DDX43: variants seen among roughly 807,000 people sequenced by gnomAD.
The protein encoded by DDX43 is probable ATP-dependent RNA helicase DDX43.
DDX43 carries 50 observed loss-of-function variants against 84.9 expected under a neutral mutation model. The ratio of observed to expected loss-of-function variants is 0.59; its 90% CI spans 0.47 to 0.75. The LOEUF (loss-of-function observed/expected upper bound fraction) is 0.75, where lower values mean the gene tolerates loss of function less well. Among genes scored for constraint, DDX43 ranks in the 30% least tolerant of loss-of-function variants. The pLI is 0.00. For missense variants in DDX43, 689 were observed against 798.6 expected (o/e 0.86, Z 1.65); for synonymous variants, 291 against 266.3 (o/e 1.09, Z -0.90).
intron 5 of DDX43, among the ~76,000 whole-genome samples, 184 bp from the exon 6 acceptor site, chr6:73,405,495 T>G (rs1365293703): frequency 6.6e-6 from 1 of 152,234 alleles, no homozygotes; most frequent in Non-Finnish European, 1.5e-5. Flanking sequence ...TTGCAACTAT[T>G]CTCAGATAAG....
intron 1 of DDX43, among the ~76,000 whole-genome samples, chr6:73,396,134 T>G (rs1260095518): frequency 6.6e-6 from 1 of 152,174 alleles, no homozygotes; most frequent in South Asian, 2.1e-4. Context: ...AATTTTTGTG[T>G]TTTTAGTAAA....
intron 3 of DDX43, 90 bp downstream of exon 3, chr6:73,400,453 C>G: frequency 1.6e-6 from 2 of 1,220,858 alleles, no homozygotes; most frequent in Non-Finnish European, 2.2e-6. Context: ...CTTTCTGATT[C>G]AAAGCATTAG....
In DDX43 at chr6:73,397,824, A is replaced by T. The variant is rs1021393585; in HGVS notation, c.306+80A>T. On this transcript the variant is annotated intron_variant, in intron 2 of 16. Coordinates refer to ENST00000370336, the MANE Select transcript of DDX43 (RefSeq NM_018665.3). Reference sequence around the variant, plus strand: ...GCACCTAACTCTACTTTTCTTTTTAAGACAGCCTCATTCTGTCTCCCAGGC... The same window carrying T: ...GCACCTAACTCTACTTTTCTTTTTATGACAGCCTCATTCTGTCTCCCAGGC... 1.8e-5 allele frequency: 23 copies of T among 1,282,268 alleles called. No homozygotes were observed. The African/African-American group carries it at 3.1e-4, about 17-fold the overall frequency. 79.4% of individuals were successfully genotyped at this position (1,282,268 alleles called of 1,614,324 possible).
intron 9 of DDX43, among the ~76,000 whole-genome samples, chr6:73,408,621 A>G (rs1325596803): frequency 6.6e-6 from 1 of 151,646 alleles, no homozygotes; most frequent in Non-Finnish European, 1.5e-5. Flanking sequence ...CTGTCGCATG[A>G]TCTTGGCTCA....
chr6:73,395,092 G>A lies in DDX43; in HGVS notation c.187G>A (p.Ala63Thr). ...GTSRPPEAVA[A>T]GHEELPLCFA... ...CTCTAGGCCCCCGGAGGCCGTGGCCGCTGGTCACGAGGAACTGCCGCTGTG... is the reference window on the plus strand; with the variant it reads ...CTCTAGGCCCCCGGAGGCCGTGGCCACTGGTCACGAGGAACTGCCGCTGTG... The change falls in exon 1 of 17, where the codon GCT (alanine) becomes ACT (threonine). Residue 63 changes from alanine to threonine, a missense_variant. Physicochemically the swap from Ala to Thr is moderately conservative, Grantham distance 58 (BLOSUM62 0). Coordinates refer to ENST00000370336, the MANE Select transcript of DDX43 (RefSeq NM_018665.3). 1.9e-6 allele frequency: 3 copies of A among 1,614,140 alleles called. No individual in the cohort carries two copies. The highest frequency in any genetic ancestry group is 2.5e-6 in the Non-Finnish European group (3 of 1,179,988).
intron 1 of DDX43, among the ~76,000 whole-genome samples, chr6:73,396,517 T>G (rs1471241601): frequency 6.6e-6 from 1 of 152,186 alleles, no homozygotes; most frequent in Non-Finnish European, 1.5e-5. Context: ...AGGTTTGCAA[T>G]AAAAATCACT....
chr6:73,406,409 G>A lies in DDX43; in HGVS notation c.853G>A (p.Val285Ile), dbSNP rs756075343. The change falls in exon 7 of 17, where the codon GTA (valine) becomes ATA (isoleucine). Residue 285 changes from valine to isoleucine, a missense_variant. By Grantham distance (29) the Val-to-Ile change is conservative. Around this residue, in one of 2 missense-constraint regions of DDX43, gnomAD observed 552 missense variants for 692.7 expected, o/e 0.80. Transcript: ENST00000370336. ...IVLQGIDLIG[V>I]AQTGTGKTLC... ...GTTGCAAGGAATAGATCTTATAGGA[G>A]TAGCCCAGACTGGAACAGGAAAGAC... 4 of 1,613,626 alleles carry A rather than the reference G, an allele frequency of 2.5e-6. No homozygotes were observed. The highest frequency in any genetic ancestry group is 3.4e-6 in the Non-Finnish European group (4 of 1,179,594).
chr6:73,408,576 GAC>G (rs1368737583), intron 9 of DDX43, among the ~76,000 whole-genome samples: 7 of 149,862 alleles, frequency 4.7e-5, no homozygotes, highest in East Asian at 2.0e-4. Context: ...TTTATTTTAA[GAC>G]ACAGTTTTGC....
intron 10 of DDX43, among the ~76,000 whole-genome samples, chr6:73,410,673 G>A (rs1330868952): frequency 6.6e-6 from 1 of 152,132 alleles, no homozygotes. Flanking sequence ...CCTCACTGCA[G>A]TCTCAGCCTT....
Position 73,394,916 on chromosome 6 carries a change from A to G in DDX43, c.11A>G (p.His4Arg). 1 of 1,614,192 alleles carries G rather than the reference A, an allele frequency of 6.2e-7. No homozygotes were observed. The highest frequency in any genetic ancestry group is 8.5e-7 in the Non-Finnish European group (1 of 1,180,028). ...CCCCTTCTTGGAACAATGTCCCACC[A>G]CGGAGGAGCTCCCAAGGCCTCTACG... Reference protein sequence around the residue: MSHHGGAPKASTWV... With the variant: MSHRGGAPKASTWV... The change falls in exon 1 of 17, where the codon CAC (histidine) becomes CGC (arginine). Residue 4 changes from histidine to arginine, a missense_variant. His to Arg is a conservative substitution (Grantham distance 29, BLOSUM62 0). Around this residue, in one of 2 missense-constraint regions of DDX43, gnomAD observed 137 missense variants for 105.9 expected, o/e 1.29. Transcript: ENST00000370336.
At chr6:73,404,122 T>G (rs895001031) in intron 4 of DDX43, among the ~76,000 whole-genome samples, 3 of 147,658 alleles carry the variant, frequency 2.0e-5, no homozygotes, top group African/African-American at 7.5e-5. Context: ...CGCCGGCCCC[T>G]TTTTTTTTCT....
chr6:73,402,767 C>T (rs181382466), intron 4 of DDX43, among the ~76,000 whole-genome samples: 8 of 152,050 alleles, frequency 5.3e-5, no homozygotes, highest in African/African-American at 1.2e-4. Flanking sequence ...TTAGTAGAGA[C>T]GGGGTTTCAC....
chr6:73,411,765 T>G (rs1223208569), intron 10 of DDX43, among the ~76,000 whole-genome samples: 1 of 152,196 alleles, frequency 6.6e-6, no homozygotes, highest in African/African-American at 2.4e-5. Context: ...TGGCACAATC[T>G]TGGCTCACTG....
chr6:73,411,100 TG>T (rs1227716314), intron 10 of DDX43, among the ~76,000 whole-genome samples: 6 of 132,384 alleles, frequency 4.5e-5, no homozygotes, highest in African/African-American at 1.7e-4. Context: ...GGCGTGAACC[TG>T]GGAGGCGGAG....
At chr6:73,398,590 A>G (rs1016818840) in intron 2 of DDX43, among the ~76,000 whole-genome samples, 4 of 152,180 alleles carry the variant, frequency 2.6e-5, no homozygotes, top group Non-Finnish European at 5.9e-5. Context: ...CATAAGAATG[A>G]GATCACTGGA....
At chr6:73,402,910 C>T (rs536454323) in intron 4 of DDX43, among the ~76,000 whole-genome samples, 2 of 152,258 alleles carry the variant, frequency 1.3e-5, no homozygotes, top group South Asian at 2.1e-4. Flanking sequence ...AGATTTCTCA[C>T]GTGGAACATT....
chr6:73,398,969 G>A (rs1281298636), intron 2 of DDX43, among the ~76,000 whole-genome samples: 4 of 151,682 alleles, frequency 2.6e-5, no homozygotes, highest in South Asian at 2.1e-4. Flanking sequence ...TTTTTGAGAC[G>A]GAGTCTTGCT....
intron 1 of DDX43, 95 bp downstream of exon 1, chr6:73,395,250 G>A (rs577203854): frequency 2.1e-6 from 3 of 1,420,358 alleles, no homozygotes; most frequent in East Asian, 2.5e-5. Flanking sequence ...CCTCCAATCA[G>A]CTGCCACCTA....
chr6:73,407,850 G>A (rs1769712102), intron 8 of DDX43, 110 bp from the exon 9 acceptor site: 2 of 1,082,416 alleles, frequency 1.8e-6, no homozygotes, highest in Non-Finnish European at 1.4e-6. Context: ...GAAAGGGGCA[G>A]ATACCCCTAA....
Sources: gnomAD v4.1 joint callset for allele counts (sites outside exome capture counted in the v4.1 genomes callset) on GRCh38, gnomAD v4.1.1 for gene constraint, gnomAD v4.1.1 regional missense constraint, MANE v1.5 for transcripts, NCBI Gene and HGNC (gene_info 2026-07-23, HGNC 2026-07-21) for gene names.